Variants in FAM20C observed in about 807,000 individuals in gnomAD.
The protein encoded by FAM20C is FAM20C golgi associated secretory pathway kinase, also known as extracellular serine/threonine protein kinase FAM20C.
In FAM20C, 40 loss-of-function variants were observed where a neutral mutation model predicts 51.5. The observed-to-expected ratio is 0.78, with a 90% CI of 0.60 to 1.01. FAM20C has a LOEUF of 1.01. FAM20C is among the 50% of genes least tolerant of loss of function. The probability of loss-of-function intolerance (pLI) is 0.00; values close to 1 mark genes in which losing one functional copy is unlikely to be tolerated. For synonymous variants in FAM20C, 406 were observed against 380.6 expected (o/e 1.07, Z -0.78); for missense variants, 861 against 844.7 (o/e 1.02, Z -0.24).
At chr7:235,901 G>C (rs1787833777) in intron 3 of FAM20C, among the ~76,000 whole-genome samples, 1 of 152,222 alleles carries the variant, frequency 6.6e-6, no homozygotes, top group African/African-American at 2.4e-5. Flanking sequence ...TTGGGCGACT[G>C]CCCTGTCTCC....
At chr7:244,503 A>G (rs1291929398) in intron 3 of FAM20C, among the ~76,000 whole-genome samples, 1 of 152,226 alleles carries the variant, frequency 6.6e-6, no homozygotes, top group Non-Finnish European at 1.5e-5. Context: ...CACAAGGTCT[A>G]GATTCTTTCT....
chr7:195,711 T>A lies in FAM20C; in HGVS notation c.763T>A (p.Ser255Thr). ...AIEALLHDLSSQRITSVAMKS... is the reference protein window; with the variant it reads ...AIEALLHDLSTQRITSVAMKS... Reference sequence around the variant, plus strand: ...CGAGGCCCTGCTGCACGACCTCAGCTCCCAGAGGATCACCAGCGTGGGTAG... The same window carrying A: ...CGAGGCCCTGCTGCACGACCTCAGCACCCAGAGGATCACCAGCGTGGGTAG... The change falls in exon 2 of 10, where the codon TCC becomes ACC. Residue 255 changes from serine to threonine, a missense_variant. Coordinates refer to ENST00000313766, the MANE Select transcript of FAM20C (RefSeq NM_020223.4). The A allele has an allele frequency of 6.2e-7, 1 of 1,607,430 alleles. No individual in the cohort carries two copies. Among genetic ancestry groups the A allele is most frequent in the Non-Finnish European group, 8.5e-7 (1 of 1,176,702 alleles).
rs11546479 is a variant in FAM20C at position 260,546 on chromosome 7, G to A, written c.*566G>A. The A allele has an allele frequency of 0.071, 10,889 of 152,422 alleles. 451 individuals are homozygous for A. The highest frequency in any genetic ancestry group is 0.095 in the Middle Eastern group (28 of 294). The allele number at this position is 152,422 out of a possible 1,614,324, so 9.4% of individuals were successfully genotyped here. ...TGTGCGCTGGTGGACGGATGCCTAC[G>A]TGGTTTTGGAGGACCCGATGACCAG... On this transcript the variant is annotated 3_prime_UTR_variant, in exon 10 of 10. Coordinates refer to ENST00000313766, the MANE Select transcript of FAM20C (RefSeq NM_020223.4).
chr7:257,196 G>GT, intron 8 of FAM20C, 110 bp downstream of exon 8: 1 of 1,097,742 alleles, frequency 9.1e-7, no homozygotes, highest in Non-Finnish European at 1.3e-6. Context: ...CCAGTGGAGG[G>GT]ATGGGAATGT....
rs999478738 is a variant in FAM20C, at chr7:256,092, C to T, written c.1253+63C>T. 52 of 1,511,168 alleles carry T rather than the reference C, an allele frequency of 3.4e-5. 1 individual carries two copies. Among genetic ancestry groups the T allele is most frequent in the South Asian group, 2.3e-4 (19 of 82,260 alleles). 93.6% of individuals were successfully genotyped at this position (1,511,168 alleles called of 1,614,324 possible). On this transcript the variant is annotated intron_variant, in intron 6 of 9. Coordinates refer to ENST00000313766, the MANE Select transcript of FAM20C (RefSeq NM_020223.4). Reference sequence around the variant, plus strand: ...TACGGCAGAGGGAGCTGGGCCTGGGCGGGCATGGGAGGGTCGGCGCCCACG... The same window carrying T: ...TACGGCAGAGGGAGCTGGGCCTGGGTGGGCATGGGAGGGTCGGCGCCCACG...
At chr7:203,857 C>T (rs577046115) in intron 2 of FAM20C, among the ~76,000 whole-genome samples, 2 of 152,258 alleles carry the variant, frequency 1.3e-5, no homozygotes, top group African/African-American at 2.4e-5. Flanking sequence ...GATGAGCTGT[C>T]GCACCTGAGC....
At chr7:245,928 G>T (rs965742092) in intron 3 of FAM20C, 1 of 153,006 alleles carries the variant, frequency 6.5e-6, no homozygotes, top group African/African-American at 2.4e-5. Context: ...CCTGGAGGCC[G>T]TGGGGGAGAC....
chr7:251,600 G>A (rs980491981), intron 5 of FAM20C, among the ~76,000 whole-genome samples: 2 of 152,132 alleles, frequency 1.3e-5, no homozygotes, highest in Non-Finnish European at 2.9e-5. Flanking sequence ...GCTGACACTT[G>A]GAATCCCCAG....
chr7:200,919 A>G (rs1786099190), intron 2 of FAM20C, among the ~76,000 whole-genome samples: 1 of 152,144 alleles, frequency 6.6e-6, no homozygotes, highest in Non-Finnish European at 1.5e-5. Context: ...TGCCAGCCCC[A>G]GGGTGCCCAC....
chr7:259,945 C>G lies in FAM20C; in HGVS notation c.1720C>G (p.Leu574Val). ...GCTCCACAGCGTGGTGGATGACGAC[C>G]TGGACACTGAGCACAGAGCCGCCTC... ...NGLHSVVDDD[L>V]DTEHRAASAR is the part of the protein sequence containing the mutation. The change falls in exon 10 of 10, where the codon CTG (leucine) becomes GTG (valine). Residue 574 changes from leucine (L) to valine (V), a missense_variant. By Grantham distance (32) the Leu-to-Val change is conservative (BLOSUM62 1). This residue lies in a region of FAM20C where 269 missense variants were observed against 283.8 expected (regional missense o/e 0.95). Transcript: ENST00000313766. 6.5e-7 allele frequency: 1 copy of G among 1,527,964 alleles called. No homozygotes were observed. The allele number at this position is 1,527,964 out of a possible 1,614,324, so 94.7% of individuals were successfully genotyped here. A position where few individuals can be genotyped will look rare whatever the true frequency, so the allele number is the denominator to read the frequency against.
At chr7:250,022 G>T (rs1172008100) in intron 5 of FAM20C, among the ~76,000 whole-genome samples, 2 of 152,180 alleles carry the variant, frequency 1.3e-5, no homozygotes, top group Non-Finnish European at 2.9e-5. Flanking sequence ...CTGGGGAGGG[G>T]CCCTCCGGAT....
intron 8 of FAM20C, among the ~76,000 whole-genome samples, chr7:257,738 C>T (rs1044528923): frequency 2.1e-5 from 3 of 140,602 alleles, no homozygotes; most frequent in African/African-American, 2.9e-5. Context: ...GGGGTGGACC[C>T]ACTGCCTGGG....
intron 2 of FAM20C, among the ~76,000 whole-genome samples, chr7:205,582 A>G (rs1466949323): frequency 6.6e-6 from 1 of 151,892 alleles, no homozygotes; most frequent in Non-Finnish European, 1.5e-5. Context: ...GGAGGTGCAG[A>G]CCCCTCAGAG....
intron 3 of FAM20C, chr7:229,032 C>T (rs1787558702): frequency 5.7e-6 from 2 of 351,842 alleles, no homozygotes; most frequent in Admixed American, 7.5e-5. Context: ...ACGCACCCCA[C>T]CCCCCCACCA....
At chr7:231,967 C>T (rs951971391) in intron 3 of FAM20C, among the ~76,000 whole-genome samples, 10 of 152,212 alleles carry the variant, frequency 6.6e-5, no homozygotes, top group African/African-American at 2.4e-4. Flanking sequence ...GCCCAGGGTT[C>T]CGCCTGATGG....
intron 9 of FAM20C, 122 bp downstream of exon 9, chr7:258,827 T>G: frequency 1.0e-6 from 1 of 996,756 alleles, no homozygotes; most frequent in Non-Finnish European, 1.4e-6. Flanking sequence ...AGGCCCCGAA[T>G]TCAACCACAG....
intron 5 of FAM20C, among the ~76,000 whole-genome samples, chr7:249,126 C>G (rs532853696): frequency 6.6e-6 from 1 of 152,360 alleles, no homozygotes; most frequent in Non-Finnish European, 1.5e-5. Flanking sequence ...TCCAGGAAGC[C>G]TTCTCCAGGT....
Position 201,189 on chromosome 7 carries a change from G to A in FAM20C, c.784+5457G>A, listed in dbSNP as rs1037524216. On this transcript the variant is annotated intron_variant, in intron 2 of 9. Transcript: ENST00000313766. The stretch of plus-strand genomic sequence containing the variant: ...TCGTCTTCAGGAATAACTGACCCTT[G>A]AGGCCAGACAGTGGCTGTGAAGAGC... Among the ~76,000 whole-genome samples the A allele has an allele frequency of 2.0e-5, 3 of 152,312 alleles. No individual in the cohort carries two copies. In the East Asian group the frequency reaches 5.8e-4, roughly 29 times the overall value.
In FAM20C at chr7:258,304, G is replaced by C. The variant is rs1256591644; in HGVS notation, c.1446-342G>C. On this transcript the variant is annotated intron_variant, in intron 8 of 9. Coordinates refer to ENST00000313766, the MANE Select transcript of FAM20C (RefSeq NM_020223.4). The stretch of plus-strand genomic sequence containing the variant: ...CCACTGCCTGGGGTGCTGGAGATGG[G>C]TGGGATGGACCCACTGCCCGGGGTG... Among the ~76,000 whole-genome samples the C allele has an allele frequency of 1.6e-4, 10 of 64,036 alleles. 1 individual carries two copies. Among genetic ancestry groups the C allele is most frequent in the Middle Eastern group, 0.011 (1 of 88 alleles). The allele number at this position is 64,036 out of a possible 152,430, so 42.0% of individuals were successfully genotyped here.
Sources: gnomAD v4.1 joint callset for allele counts (sites outside exome capture counted in the v4.1 genomes callset) on GRCh38, gnomAD v4.1.1 for gene constraint, gnomAD v4.1.1 regional missense constraint, MANE v1.5 for transcripts, NCBI Gene and HGNC (gene_info 2026-07-23, HGNC 2026-07-21) for gene names.